Variants in CBFB observed in about 807,000 individuals in gnomAD.
CBFB encodes the protein CBF-beta.
CBFB carries 9 observed loss-of-function variants against 30.4 expected under a neutral mutation model. That is an observed-to-expected ratio of 0.30 (90% confidence interval 0.18 to 0.52). The LOEUF is 0.52. Ranked by LOEUF, CBFB falls within the 20% of genes least tolerant of loss-of-function variation. The pLI is 0.97. For missense variants in CBFB, 170 were observed against 244.0 expected (o/e 0.70, Z 2.02); for synonymous variants, 94 against 84.0 (o/e 1.12, Z -0.65).
intron 3 of CBFB, among the ~76,000 whole-genome samples, chr16:67,040,683 C>G (rs1207429828): frequency 6.6e-6 from 1 of 152,068 alleles, no homozygotes; most frequent in African/African-American, 2.4e-5. Context: ...CCTTAACAGA[C>G]AATATACATA....
chr16:67,052,100 G>A (rs1053744026), intron 3 of CBFB, among the ~76,000 whole-genome samples: 6 of 151,918 alleles, frequency 3.9e-5, no homozygotes, highest in Admixed American at 3.3e-4. Flanking sequence ...GGCTGGTCTC[G>A]AACTTGTGAG....
chr16:67,063,990 A>G (rs1031316408), intron 3 of CBFB, among the ~76,000 whole-genome samples: 3 of 152,210 alleles, frequency 2.0e-5, no homozygotes, highest in African/African-American at 7.2e-5. Flanking sequence ...CTCACAAAGC[A>G]CTGGATTTCC....
At chr16:67,063,093 A>T (rs1041367831) in intron 3 of CBFB, among the ~76,000 whole-genome samples, 2 of 152,152 alleles carry the variant, frequency 1.3e-5, no homozygotes, top group African/African-American at 4.8e-5. Flanking sequence ...ATTCACTGAG[A>T]TGAAATAAGG....
chr16:67,052,348 T>G (rs375826269), intron 3 of CBFB, among the ~76,000 whole-genome samples: 3 of 152,168 alleles, frequency 2.0e-5, no homozygotes, highest in Non-Finnish European at 4.4e-5. Flanking sequence ...GGTGGGAAGA[T>G]TGCATGAAGC....
chr16:67,094,733 C>T (rs1597164557), intron 5 of CBFB, among the ~76,000 whole-genome samples: 2 of 152,248 alleles, frequency 1.3e-5, no homozygotes, highest in South Asian at 2.1e-4. Flanking sequence ...TTGATCTGTC[C>T]TTACACTGCA....
intron 4 of CBFB, among the ~76,000 whole-genome samples, chr16:67,080,039 C>T (rs1182247834): frequency 6.6e-6 from 1 of 152,134 alleles, no homozygotes; most frequent in African/African-American, 2.4e-5. Context: ...TTGCAGTGAG[C>T]AGAGATCACA....
Position 67,059,050 on chromosome 16 carries a change from G to A in CBFB, c.283-7632G>A, listed in dbSNP as rs560961087. On this transcript the variant is annotated intron_variant, in intron 3 of 5. Coordinates refer to ENST00000412916, the MANE Select transcript of CBFB (RefSeq NM_022845.3). Reference sequence around the variant, plus strand: ...AGAATCACTCAAAAGAGGGAACTCTGCCATCCCTTTGTACCTTTAATTTGT... The same window carrying A: ...AGAATCACTCAAAAGAGGGAACTCTACCATCCCTTTGTACCTTTAATTTGT... 1.5e-4 allele frequency among the ~76,000 whole-genome samples: 23 copies of A among 152,248 alleles called. No individual in the cohort carries two copies. In the East Asian group the frequency reaches 4.2e-3, roughly 28 times the overall value.
chr16:67,049,998 A>G (rs1255794717), intron 3 of CBFB, among the ~76,000 whole-genome samples: 1 of 151,790 alleles, frequency 6.6e-6, no homozygotes, highest in East Asian at 1.9e-4. Flanking sequence ...CAGGACCCAG[A>G]CCCACTTATT....
Sources: allele counts gnomAD v4.1 joint callset (sites outside exome capture counted in the v4.1 genomes callset), GRCh38; gene constraint gnomAD v4.1.1; transcripts MANE v1.5; gene names NCBI Gene and HGNC (gene_info 2026-07-23, HGNC 2026-07-21).